The following MTCL1 variants were observed in gnomAD, a reference collection of about 807,000 sequenced individuals.
MTCL1 encodes microtubule crosslinking factor 1.
In MTCL1, 79 loss-of-function variants were observed where a neutral mutation model predicts 141.4. The observed-to-expected ratio is 0.56, with a 90% confidence interval of 0.47 to 0.67. The LOEUF is 0.67. MTCL1 is among the 30% of genes least tolerant of loss of function. MTCL1 has a pLI of 0.00. For missense variants in MTCL1, 2,177 were observed against 2,113.9 expected (o/e 1.03, Z -0.59); for synonymous variants, 914 against 875.8 (o/e 1.04, Z -0.77).
intron 4 of MTCL1, among the ~76,000 whole-genome samples, chr18:8,735,806 A>G (rs981143224): frequency 6.6e-6 from 1 of 152,150 alleles, no homozygotes; most frequent in Non-Finnish European, 1.5e-5. Context: ...GAGCTCAGGG[A>G]GAGTAGGTGG....
intron 12 of MTCL1, among the ~76,000 whole-genome samples, chr18:8,818,345 C>CT (rs375673540): frequency 1.8e-4 from 26 of 146,646 alleles, no homozygotes; most frequent in Admixed American, 2.7e-4. Flanking sequence ...CGTAATGTGG[C>CT]TTTTTTTTTT....
chr18:8,793,824 G>C (rs2075820475), intron 8 of MTCL1, among the ~76,000 whole-genome samples: 1 of 152,228 alleles, frequency 6.6e-6, no homozygotes. Context: ...GGTTGATCTT[G>C]AATAGAGCAC....
At chr18:8,772,733 G>A (rs2143098096) in intron 4 of MTCL1, among the ~76,000 whole-genome samples, 1 of 151,710 alleles carries the variant, frequency 6.6e-6, no homozygotes, top group East Asian at 1.9e-4. Context: ...CTAAATATAT[G>A]CTGTCTGTAA....
At chr18:8,768,238 G>A (rs1598569205) in intron 4 of MTCL1, among the ~76,000 whole-genome samples, 1 of 152,086 alleles carries the variant, frequency 6.6e-6, no homozygotes, top group Admixed American at 6.5e-5. Flanking sequence ...TTTACCCATC[G>A]TATTTTTTGG....
chr18:8,785,043 C>T (rs1485552832), intron 6 of MTCL1, among the ~76,000 whole-genome samples, 200 bp downstream of exon 5: 2 of 146,572 alleles, frequency 1.4e-5, no homozygotes, highest in East Asian at 2.0e-4. Flanking sequence ...TTTAAGTTCT[C>T]TTGTATTGCC....
chr18:8,716,571 T>G (rs2096129815), upstream of MTCL1, among the ~76,000 whole-genome samples: 1 of 31,148 alleles, frequency 3.2e-5, no homozygotes, highest in Non-Finnish European at 5.6e-5. Flanking sequence ...TTTTGTTCAT[T>G]TTTTTTTTTT....
chr18:8,755,516 C>T (rs2096392805), intron 4 of MTCL1, among the ~76,000 whole-genome samples: 3 of 152,126 alleles, frequency 2.0e-5, no homozygotes, highest in Non-Finnish European at 4.4e-5. Context: ...AGGGACATCT[C>T]ACACGCTTCT....
rs764509889 is a variant in MTCL1, at chr18:8,784,171, C to T, written c.1059C>T (p.Leu353=). 2.5e-6 allele frequency: 4 copies of T among 1,613,810 alleles called. No homozygotes were observed. In the South Asian group the frequency reaches 3.3e-5, roughly 13 times the overall value. ...TCAGCGAGCTCAGCGGCAAGGTGCT[C>T]AAACTGCAGCACGAGAACCACGCGC... The change falls in exon 6 of 17, where the codon CTC becomes CTT. Residue 353 remains leucine, a synonymous_variant. Transcript: ENST00000359865.
In MTCL1 at chr18:8,830,108, AAC is replaced by A. The variant is rs535737146; in HGVS notation, c.*18+1150_*18+1151del. The A allele has an allele frequency of 6.7e-4, 659 of 985,426 alleles. 1 individual carries two copies. The African/African-American group carries it at 0.011, about 16-fold the overall frequency. The allele number at this position is 985,426 out of a possible 1,614,324, so 61.0% of individuals were successfully genotyped here. ...TATAACAAGGGGAGCGCAGACACAA[AAC>A]ACACAGATTTCCCAAACCGTGTGTC... On this transcript the variant is annotated intron_variant, in intron 16 of 16. Coordinates refer to ENST00000359865, the Ensembl canonical transcript of MTCL1. The surrounding 1 kb of genome is among the most constrained non-coding windows in gnomAD (Gnocchi z 6.4).
Position 8,828,808 on chromosome 18 carries a change from CCTCCGGGCTT to C in MTCL1, c.4723-99_4723-90del. 4 of 1,577,882 alleles carry C rather than the reference CCTCCGGGCTT, an allele frequency of 2.5e-6. 1 individual carries two copies. The Middle Eastern group carries it at 5.0e-4, about 197-fold the overall frequency. On this transcript the variant is annotated intron_variant, in intron 15 of 16. Transcript: ENST00000359865. This position sits in a 1 kb window ranked among gnomAD's most constrained non-coding sequence, Gnocchi z 5.2. The stretch of plus-strand genomic sequence containing the variant: ...CCTGAGCGAGAGGGATGGTCCTCTA[CCTCCGGGCTT>C]GCTGACTTTAAACCTTTATTGTTCT...
intron 4 of MTCL1, among the ~76,000 whole-genome samples, chr18:8,734,353 G>T (rs2096265803): frequency 6.6e-6 from 1 of 152,236 alleles, no homozygotes; most frequent in Non-Finnish European, 1.5e-5. Flanking sequence ...ACAAGATTGT[G>T]GGTTGGCTGC....
intron 4 of MTCL1, among the ~76,000 whole-genome samples, chr18:8,746,410 C>G (rs16954061): frequency 1.3e-5 from 2 of 152,062 alleles, no homozygotes; most frequent in African/African-American, 4.8e-5. Context: ...ATTTTTTGTT[C>G]GGTTGTGAGG....
At chr18:8,706,704 C>T in exon 1 of MTCL1, 2 of 1,545,944 alleles carry the variant, frequency 1.3e-6, no homozygotes, top group Non-Finnish European at 1.7e-6. Flanking sequence ...CGGAGAACGA[C>T]TATCTCAAGG....
rs114960932 is a variant in MTCL1 at position 8,825,509 on chromosome 18, C to T, written c.3999C>T (p.Ala1333=). 1.3e-4 allele frequency: 213 copies of T among 1,611,992 alleles called. 4 individuals are homozygous for T. In the East Asian group the frequency reaches 4.4e-3, roughly 33 times the overall value. Residue 1333 remains alanine (A), a synonymous_variant, in exon 15 of 17, where the codon GCC becomes GCT. Transcript: ENST00000359865. ...TCAGTGTGGGCTTGCAGACTGAAGC[C>T]CTGCGTGGCAGCGGTGTCACCAGCA... is the stretch of plus-strand genomic sequence containing the variant.
chr18:8,781,179 CAAAAAAAAA>C (rs56370900), intron 5 of MTCL1, among the ~76,000 whole-genome samples: 2 of 67,386 alleles, frequency 3.0e-5, no homozygotes, highest in Admixed American at 2.2e-4. Flanking sequence ...GACTCCATCT[CAAAAAAAAA>C]AAAAAAAAAA....
intron 11 of MTCL1, among the ~76,000 whole-genome samples, chr18:8,807,269 CCAAGCAG>C (rs1231473757): frequency 6.6e-6 from 1 of 152,166 alleles, no homozygotes; most frequent in Non-Finnish European, 1.5e-5. Context: ...ACGGCCCCCA[CCAAGCAG>C]CATTTTCAGA....
intron 4 of MTCL1, among the ~76,000 whole-genome samples, chr18:8,771,952 G>A (rs148007339): frequency 6.6e-6 from 1 of 152,320 alleles, no homozygotes; most frequent in African/African-American, 2.4e-5. Flanking sequence ...CTGGCTCTCT[G>A]AGGCATCCAG....
At chr18:8,777,738 AGT>A (rs977781021) in intron 4 of MTCL1, 93 bp from the exon 4 acceptor site, 18 of 1,035,908 alleles carry the variant, frequency 1.7e-5, no homozygotes, top group African/African-American at 4.8e-5. Context: ...GCCTCCGTTC[AGT>A]GTGTGTGTCC....
chr18:8,722,863 G>A (rs1426628349), intron 4 of MTCL1, among the ~76,000 whole-genome samples: 1 of 152,136 alleles, frequency 6.6e-6, no homozygotes, highest in Admixed American at 6.5e-5. Flanking sequence ...TTTTAAGTAG[G>A]TGAAGATTCT....
Sources: gnomAD v4.1 joint callset for allele counts (sites outside exome capture counted in the v4.1 genomes callset) on GRCh38, gnomAD v4.1.1 for gene constraint, Gnocchi (gnomAD v3.1) non-coding constraint, MANE v1.5 for transcripts, NCBI Gene and HGNC (gene_info 2026-07-23, HGNC 2026-07-21) for gene names.